AGBL4: variants seen among roughly 807,000 people sequenced by gnomAD.
AGBL4 encodes cytosolic carboxypeptidase 6.
Under a neutral mutation model 66.4 loss-of-function variants are expected in AGBL4, and 58 were observed. The observed-to-expected ratio is 0.87, with a 90% CI of 0.71 to 1.09. The LOEUF (loss-of-function observed/expected upper bound fraction) is 1.09, where lower values mean the gene tolerates loss of function less well. AGBL4 is among the 50% of genes least tolerant of loss of function. AGBL4 has a pLI of 0.00. For missense variants in AGBL4, 579 were observed against 631.0 expected (o/e 0.92, Z 0.88); for synonymous variants, 234 against 222.9 (o/e 1.05, Z -0.44).
At chr1:49,920,739 G>C (rs1050024861) in intron 1 of AGBL4, among the ~76,000 whole-genome samples, 5 of 152,118 alleles carry the variant, frequency 3.3e-5, no homozygotes, top group African/African-American at 1.2e-4. Flanking sequence ...TCCCATTACT[G>C]GGTATATACC....
chr1:48,640,041 C>T (rs1282304185), intron 8 of AGBL4, among the ~76,000 whole-genome samples: 1 of 152,168 alleles, frequency 6.6e-6, no homozygotes, highest in African/African-American at 2.4e-5. Flanking sequence ...CCCTGAGTCT[C>T]TGTCTCCTTG....
At chr1:49,109,857 T>C (rs960954048) in intron 4 of AGBL4, among the ~76,000 whole-genome samples, 9 of 152,186 alleles carry the variant, frequency 5.9e-5, no homozygotes, top group African/African-American at 2.2e-4. Flanking sequence ...ACTATGTTTT[T>C]AGCAAATAGA....
intron 4 of AGBL4, among the ~76,000 whole-genome samples, chr1:49,097,132 AT>A (rs1254469527): frequency 6.6e-6 from 1 of 152,228 alleles, no homozygotes; most frequent in Non-Finnish European, 1.5e-5. Context: ...TAAGAAACTC[AT>A]ACAATATACA....
intron 2 of AGBL4, among the ~76,000 whole-genome samples, chr1:49,747,551 T>C (rs1651083086): frequency 6.6e-6 from 1 of 152,200 alleles, no homozygotes; most frequent in African/African-American, 2.4e-5. Flanking sequence ...TCTTAAGTTT[T>C]TCCTAACCCA....
At chr1:48,772,100 T>C (rs1010736343) in intron 6 of AGBL4, among the ~76,000 whole-genome samples, 15 of 152,218 alleles carry the variant, frequency 9.9e-5, no homozygotes, top group Non-Finnish European at 7.3e-5. Context: ...GCAGACTATA[T>C]GCTGGGCACT....
At chr1:49,129,671 C>A (rs1324099609) in intron 4 of AGBL4, among the ~76,000 whole-genome samples, 1 of 152,076 alleles carries the variant, frequency 6.6e-6, no homozygotes, top group East Asian at 1.9e-4. Flanking sequence ...GCATAGTATT[C>A]CATGGTGTAT....
intron 3 of AGBL4, among the ~76,000 whole-genome samples, chr1:49,579,128 G>A (rs1644493801): frequency 6.6e-6 from 1 of 152,182 alleles, no homozygotes; most frequent in Non-Finnish European, 1.5e-5. Context: ...TTGAGATTCA[G>A]ACTGGCTTTC....
At chr1:49,687,542 G>C (rs1400854617) in intron 3 of AGBL4, among the ~76,000 whole-genome samples, 2 of 151,978 alleles carry the variant, frequency 1.3e-5, no homozygotes, top group African/African-American at 4.8e-5. Flanking sequence ...GAGGCCGAGG[G>C]GGACGGATCA....
intron 1 of AGBL4, among the ~76,000 whole-genome samples, chr1:49,866,714 A>C (rs545384213): frequency 1.3e-5 from 2 of 152,270 alleles, no homozygotes; most frequent in Admixed American, 1.3e-4. Context: ...CAATGAGCCG[A>C]GATCACGCCA....
intron 3 of AGBL4, among the ~76,000 whole-genome samples, chr1:49,486,162 A>G: frequency 6.6e-6 from 1 of 151,988 alleles, no homozygotes; most frequent in East Asian, 1.9e-4. Flanking sequence ...TGCACTCAGA[A>G]ATCAGATAGC....
intron 3 of AGBL4, among the ~76,000 whole-genome samples, chr1:49,645,040 A>G (rs1020816585): frequency 6.6e-6 from 1 of 151,636 alleles, no homozygotes; most frequent in African/African-American, 2.4e-5. Flanking sequence ...CCCATAGGGC[A>G]AAGAATAATT....
chr1:49,386,585 C>A (rs1644741950), intron 3 of AGBL4, among the ~76,000 whole-genome samples: 2 of 151,944 alleles, frequency 1.3e-5, no homozygotes, highest in South Asian at 4.2e-4. Context: ...AACTGATTTT[C>A]TTTTTATTAT....
At chr1:49,635,328 A>T (rs1028917951) in intron 3 of AGBL4, among the ~76,000 whole-genome samples, 2 of 152,214 alleles carry the variant, frequency 1.3e-5, no homozygotes, top group African/African-American at 4.8e-5. Context: ...TCATGAGCTT[A>T]GAGTAAACAT....
chr1:49,498,977 T>A (rs1340165190), intron 3 of AGBL4, among the ~76,000 whole-genome samples: 1 of 152,058 alleles, frequency 6.6e-6, no homozygotes, highest in African/African-American at 2.4e-5. Context: ...TTGTTGAAAA[T>A]TTTTACACCT....
intron 4 of AGBL4, among the ~76,000 whole-genome samples, chr1:49,133,434 C>G (rs1009505717): frequency 1.3e-5 from 2 of 152,108 alleles, no homozygotes; most frequent in Non-Finnish European, 2.9e-5. Flanking sequence ...CACAGTTTTA[C>G]AGATTTGAAC....
At chr1:48,936,558 A>G (rs1655496281) in intron 5 of AGBL4, among the ~76,000 whole-genome samples, 1 of 152,152 alleles carries the variant, frequency 6.6e-6, no homozygotes, top group East Asian at 1.9e-4. Context: ...CTGCACTCTG[A>G]TGGTTGATTG....
At chr1:48,749,864 C>T (rs1209630845) in intron 6 of AGBL4, among the ~76,000 whole-genome samples, 1 of 152,138 alleles carries the variant, frequency 6.6e-6, no homozygotes, top group African/African-American at 2.4e-5. Flanking sequence ...CATTGAAGGC[C>T]CACACATGTA....
chr1:48,585,852 G>C (rs1222171954), intron 11 of AGBL4: 3 of 152,202 alleles, frequency 2.0e-5, no homozygotes, highest in Non-Finnish European at 2.9e-5. Context: ...GCAGTTGGCT[G>C]GTGGGACTAG....
At chr1:48,708,174 G>A (rs1391599129) in intron 6 of AGBL4, among the ~76,000 whole-genome samples, 1 of 152,166 alleles carries the variant, frequency 6.6e-6, no homozygotes, top group African/African-American at 2.4e-5. Context: ...GGTTACCTTT[G>A]GTGGGAAAAC....
Sources: allele counts gnomAD v4.1 joint callset (sites outside exome capture counted in the v4.1 genomes callset), GRCh38; gene constraint gnomAD v4.1.1; transcripts MANE v1.5; gene names NCBI Gene and HGNC (gene_info 2026-07-23, HGNC 2026-07-21).